NTRK3: variants seen among roughly 807,000 people sequenced by gnomAD.
NTRK3 encodes NT-3 growth factor receptor.
A neutral mutation model predicts 91.7 loss-of-function variants in NTRK3; 24 were observed. That is an observed-to-expected ratio of 0.26 (90% CI 0.19 to 0.37). NTRK3 has a LOEUF of 0.37. Ranked by LOEUF, NTRK3 falls within the 10% of genes least tolerant of loss-of-function variation. The pLI is 1.00. For missense variants in NTRK3, 880 were observed against 1,068.9 expected (o/e 0.82, Z 2.46); for synonymous variants, 483 against 404.0 (o/e 1.20, Z -2.34).
chr15:88,124,508 C>G (rs969394394), intron 13 of NTRK3, among the ~76,000 whole-genome samples: 18 of 152,182 alleles, frequency 1.2e-4, no homozygotes, highest in African/African-American at 4.3e-4. Context: ...AGGGGAAGAG[C>G]AACAATGCCC....
At chr15:88,039,894 T>C (rs2079440747) in intron 13 of NTRK3, among the ~76,000 whole-genome samples, 1 of 152,156 alleles carries the variant, frequency 6.6e-6, no homozygotes, top group Admixed American at 6.5e-5. Flanking sequence ...CTTAGAACTT[T>C]TTAAAAGAGG....
In NTRK3 at chr15:88,178,814, A is replaced by G. The variant is rs1339554585; in HGVS notation, c.395+4604T>C. On this transcript the variant is annotated intron_variant, in intron 5 of 18. Coordinates refer to ENST00000394480, the Ensembl canonical transcript of NTRK3. ...AAGAGGAACTAAACAGAGCTTTCTC[A>G]ACAGAGCTCTTTGAGGATGGAGCGT... Among the ~76,000 whole-genome samples the G allele has an allele frequency of 3.9e-5, 6 of 152,376 alleles. No individual in the cohort carries two copies. The East Asian group carries it at 1.2e-3, about 29-fold the overall frequency.
At chr15:87,959,624 T>C (rs577204096) in intron 14 of NTRK3, among the ~76,000 whole-genome samples, 1 of 152,266 alleles carries the variant, frequency 6.6e-6, no homozygotes, top group South Asian at 2.1e-4. Context: ...TTATTGAAAA[T>C]CAGAAGCTCG....
intron 14 of NTRK3, among the ~76,000 whole-genome samples, chr15:87,985,322 C>T (rs891183036): frequency 5.3e-5 from 8 of 152,132 alleles, no homozygotes; most frequent in Non-Finnish European, 1.2e-4. Context: ...ATAAGGCACA[C>T]GACAAAAGGT....
At chr15:88,132,512 T>A (rs906226685) in intron 10 of NTRK3, among the ~76,000 whole-genome samples, 2 of 152,202 alleles carry the variant, frequency 1.3e-5, no homozygotes, top group African/African-American at 4.8e-5. Context: ...GGGCCACAGA[T>A]GGGACCTGCA....
At chr15:87,930,867 G>A (rs1157752795) in intron 16 of NTRK3, among the ~76,000 whole-genome samples, 1 of 152,080 alleles carries the variant, frequency 6.6e-6, no homozygotes. Context: ...GTCGAGCCTT[G>A]ATTTAGAGAG....
At chr15:88,065,249 A>G in intron 13 of NTRK3, among the ~76,000 whole-genome samples, 1 of 152,166 alleles carries the variant, frequency 6.6e-6, no homozygotes, top group East Asian at 1.9e-4. Flanking sequence ...GGTCCTACCC[A>G]CCACCAGGAG....
intron 14 of NTRK3, among the ~76,000 whole-genome samples, chr15:87,990,401 T>G (rs1237164235): frequency 1.3e-5 from 2 of 152,246 alleles, no homozygotes; most frequent in Non-Finnish European, 2.9e-5. Flanking sequence ...ATTCTAGACT[T>G]GGAACCCAGC....
chr15:87,935,190 A>G (rs1596312954), intron 15 of NTRK3, among the ~76,000 whole-genome samples: 1 of 152,310 alleles, frequency 6.6e-6, no homozygotes, highest in East Asian at 1.9e-4. Context: ...GCAGAGGAAT[A>G]AAAGGACATG....
At chr15:88,117,623 T>G (rs934758062) in intron 13 of NTRK3, among the ~76,000 whole-genome samples, 3 of 152,362 alleles carry the variant, frequency 2.0e-5, no homozygotes, top group Middle Eastern at 3.4e-3. Context: ...TGTAGCTGTC[T>G]GGAAATTCTA....
chr15:88,087,912 A>G (rs1277857298), intron 13 of NTRK3, among the ~76,000 whole-genome samples: 1 of 152,160 alleles, frequency 6.6e-6, no homozygotes, highest in African/African-American at 2.4e-5. Context: ...TAAGTCAGGC[A>G]TGGTGGCATG....
intron 5 of NTRK3, among the ~76,000 whole-genome samples, chr15:88,174,298 C>T (rs1314204652): frequency 2.6e-5 from 4 of 152,162 alleles, no homozygotes. Context: ...TCCAACGTCA[C>T]AGCATAAGGC....
chr15:88,060,726 G>A (rs8041054), intron 13 of NTRK3, among the ~76,000 whole-genome samples: 41,151 of 152,050 alleles, frequency 0.27, 5,693 homozygotes, highest in African/African-American at 0.3. Flanking sequence ...ACAGACCATG[G>A]GTTGGGGTAG....
chr15:88,048,695 G>A (rs2080490176), intron 13 of NTRK3, among the ~76,000 whole-genome samples: 1 of 152,154 alleles, frequency 6.6e-6, no homozygotes, highest in Admixed American at 6.5e-5. Flanking sequence ...ATAAAATGTA[G>A]GCTATGTATT....
chr15:88,183,391 C>T lies in NTRK3; in HGVS notation c.395+27G>A, dbSNP rs745780805. The T allele has an allele frequency of 7.4e-6, 12 of 1,612,552 alleles. No individual in the cohort carries two copies. The South Asian group carries it at 9.9e-5, about 13-fold the overall frequency. On this transcript the variant is annotated intron_variant, in intron 5 of 18. Coordinates refer to ENST00000394480, the Ensembl canonical transcript of NTRK3. ...CCCAAGAGTACCTGCCATGTGCCCC[C>T]AATCCCTGCAGCCCAGCTCTACTCA...
intron 14 of NTRK3, chr15:87,979,415 T>C: frequency 6.2e-7 from 1 of 1,613,948 alleles, no homozygotes; most frequent in Non-Finnish European, 8.5e-7. Context: ...GTTAAGAGGC[T>C]TGGAATGTCC....
chr15:88,126,363 G>C (rs370373691), exon 13 of NTRK3: 1 of 1,612,592 alleles, frequency 6.2e-7, no homozygotes, highest in Non-Finnish European at 8.5e-7. Context: ...AAGTCCAACT[G>C]CTATGGATAC....
chr15:87,939,191 T>C (rs188768144), intron 15 of NTRK3, among the ~76,000 whole-genome samples: 151 of 152,284 alleles, frequency 9.9e-4, no homozygotes, highest in Non-Finnish European at 1.8e-3. Flanking sequence ...GTCATGTATC[T>C]AAGCACATTC....
intron 17 of NTRK3, among the ~76,000 whole-genome samples, chr15:87,912,406 A>T (rs554243498): frequency 6.6e-6 from 1 of 152,150 alleles, no homozygotes; most frequent in Admixed American, 6.6e-5. Flanking sequence ...ACCAAACCCA[A>T]TTCCACCCCT....
Sources: allele counts gnomAD v4.1 joint callset (sites outside exome capture counted in the v4.1 genomes callset), GRCh38; gene constraint gnomAD v4.1.1; transcripts MANE v1.5; gene names NCBI Gene and HGNC (gene_info 2026-07-23, HGNC 2026-07-21).